The following DNAJC15 variants were observed in gnomAD, a reference collection of about 807,000 sequenced individuals.
DNAJC15 encodes DnaJ heat shock protein family (Hsp40) member C15, also known as dnaJ homolog subfamily C member 15.
A neutral mutation model predicts 22.4 loss-of-function variants in DNAJC15; 27 were observed. The observed-to-expected ratio is 1.20, with a 90% CI of 0.89 to 1.66. The LOEUF (loss-of-function observed/expected upper bound fraction) is 1.66. DNAJC15 is among the 40% of genes most tolerant of loss of function. The pLI is 0.00. For synonymous variants in DNAJC15, 79 were observed against 63.2 expected, an observed-to-expected ratio of 1.25 and a Z score of -1.19; for missense variants, 208 against 187.1, an observed-to-expected ratio of 1.11 and a Z score of -0.65.
intron 1 of DNAJC15, among the ~76,000 whole-genome samples, chr13:43,043,995 G>A (rs551014972): frequency 3.6e-4 from 54 of 152,106 alleles, no homozygotes; most frequent in African/African-American, 1.2e-3. Context: ...ATAAATTCTC[G>A]TTATTGTCAT....
intron 5 of DNAJC15, among the ~76,000 whole-genome samples, chr13:43,096,975 G>A (rs1379324450): frequency 6.6e-6 from 1 of 152,198 alleles, no homozygotes; most frequent in African/African-American, 2.4e-5. Context: ...GGACTACCCA[G>A]CTCAGAATAA....
intron 4 of DNAJC15, among the ~76,000 whole-genome samples, chr13:43,082,020 T>C (rs1251364125): frequency 6.6e-6 from 1 of 152,050 alleles, no homozygotes; most frequent in Admixed American, 6.5e-5. Flanking sequence ...TTAGTCACTA[T>C]CATGAGAACA....
At chr13:43,070,130 A>G (rs144812038) in intron 3 of DNAJC15, among the ~76,000 whole-genome samples, 1 of 152,270 alleles carries the variant, frequency 6.6e-6, no homozygotes, top group African/African-American at 2.4e-5. Context: ...TTCTTTTAGC[A>G]AAGACATTAC....
intron 5 of DNAJC15, among the ~76,000 whole-genome samples, chr13:43,106,672 A>G (rs145549912): frequency 6.6e-4 from 100 of 152,172 alleles, no homozygotes; most frequent in African/African-American, 2.3e-3. Flanking sequence ...GGTAGTATAT[A>G]GTTGCCTTTT....
intron 4 of DNAJC15, among the ~76,000 whole-genome samples, chr13:43,083,260 T>TG (rs2040672073): frequency 1.3e-5 from 2 of 151,994 alleles, no homozygotes; most frequent in Non-Finnish European, 1.5e-5. Context: ...CTCCGCCTCC[T>TG]GGGTTCATGC....
chr13:43,032,839 GAAGT>G (rs1017477766), intron 1 of DNAJC15, among the ~76,000 whole-genome samples: 6 of 151,800 alleles, frequency 4.0e-5, no homozygotes, highest in African/African-American at 1.2e-4. Flanking sequence ...ACAACAAAAA[GAAGT>G]AAGTACTGTT....
intron 5 of DNAJC15, among the ~76,000 whole-genome samples, chr13:43,099,360 A>G (rs923967875): frequency 6.6e-5 from 10 of 152,166 alleles, no homozygotes; most frequent in Admixed American, 4.6e-4. Context: ...TTGCTTTCCA[A>G]TCTGGATGTC....
rs574748547 is a variant in DNAJC15 at position 43,028,070 on chromosome 13, G to A, written c.108+4336G>A. ...ATGTATTTCTAGCATTTATAATGGT[G>A]CCTGATGTGTGGTAAACATTCCAAA... is the stretch of plus-strand genomic sequence containing the variant. On this transcript the variant is annotated intron_variant, in intron 1 of 5. Transcript: ENST00000379221. 2.0e-3 allele frequency among the ~76,000 whole-genome samples: 304 copies of A among 152,268 alleles called. 1 individual carries two copies. Among genetic ancestry groups the A allele is most frequent in the Non-Finnish European group, 3.3e-3 (226 of 68,032 alleles).
At chr13:43,086,731 G>A (rs879052) in intron 5 of DNAJC15, among the ~76,000 whole-genome samples, 81,213 of 152,032 alleles carry the variant, frequency 0.53, 21,797 homozygotes, top group South Asian at 0.64. Context: ...TTTTGCTAAA[G>A]ATTTCTAAAC....
rs963581337 is a variant in DNAJC15 at position 43,048,348 on chromosome 13, C to G, written c.109-17338C>G. Reference sequence around the variant, plus strand: ...TACAAAAAAAAAAAAAAAAATTACCCGGGTATGGTGGCTCATGCCTGTAAT... The same window carrying G: ...TACAAAAAAAAAAAAAAAAATTACCGGGGTATGGTGGCTCATGCCTGTAAT... On this transcript the variant is annotated intron_variant, in intron 1 of 5. Transcript: ENST00000379221. Among the ~76,000 whole-genome samples, 58 of 143,422 alleles carry G rather than the reference C, an allele frequency of 4.0e-4. 1 individual carries two copies. Among genetic ancestry groups the G allele is most frequent in the African/African-American group, 1.4e-3 (57 of 40,256 alleles). The allele number at this position is 143,422 out of a possible 152,430, so 94.1% of individuals were successfully genotyped here. A position where few individuals can be genotyped will look rare whatever the true frequency, so the allele number is the denominator to read the frequency against.
At chr13:43,044,228 C>T (rs766085105) in intron 1 of DNAJC15, among the ~76,000 whole-genome samples, 15 of 152,150 alleles carry the variant, frequency 9.9e-5, no homozygotes, top group Non-Finnish European at 1.6e-4. Flanking sequence ...CTGAGTTCAG[C>T]AGAAAGTGAT....
At chr13:43,034,612 G>C (rs2040421226) in intron 1 of DNAJC15, among the ~76,000 whole-genome samples, 1 of 103,506 alleles carries the variant, frequency 9.7e-6, no homozygotes, top group South Asian at 3.8e-4. Context: ...ACCGCACCCA[G>C]CCGAGATTGT....
chr13:43,030,574 G>A (rs901036754), intron 1 of DNAJC15, among the ~76,000 whole-genome samples: 3 of 152,134 alleles, frequency 2.0e-5, no homozygotes, highest in African/African-American at 7.2e-5. Flanking sequence ...TCATATTTTT[G>A]TTCATTTATT....
chr13:43,078,892 A>G, intron 4 of DNAJC15: 1 of 384,410 alleles, frequency 2.6e-6, no homozygotes, highest in Non-Finnish European at 4.7e-6. Context: ...ACAAAAAAAC[A>G]GGCAAAGTTG....
At chr13:43,091,158 C>T (rs965896706) in intron 5 of DNAJC15, among the ~76,000 whole-genome samples, 1 of 152,096 alleles carries the variant, frequency 6.6e-6, no homozygotes, top group African/African-American at 2.4e-5. Flanking sequence ...GATCTCTGCT[C>T]ACTGCAACCT....
At chr13:43,068,652 A>C (rs1043454172) in intron 2 of DNAJC15, among the ~76,000 whole-genome samples, 1 of 151,996 alleles carries the variant, frequency 6.6e-6, no homozygotes, top group African/African-American at 2.4e-5. Context: ...CATAATATAA[A>C]TGTAAGATAT....
At chr13:43,103,291 C>T (rs2040780233) in intron 5 of DNAJC15, among the ~76,000 whole-genome samples, 1 of 152,060 alleles carries the variant, frequency 6.6e-6, no homozygotes. Context: ...TTCTCTCAAT[C>T]TCTGGTGAAC....
intron 3 of DNAJC15, among the ~76,000 whole-genome samples, chr13:43,070,981 AG>A (rs1341368769): frequency 1.3e-5 from 2 of 152,210 alleles, no homozygotes; most frequent in African/African-American, 4.8e-5. Context: ...ACAGTAACAT[AG>A]TTCTTTAAAT....
intron 1 of DNAJC15, among the ~76,000 whole-genome samples, chr13:43,061,881 G>C (rs2040560862): frequency 6.6e-6 from 1 of 152,184 alleles, no homozygotes; most frequent in African/African-American, 2.4e-5. Flanking sequence ...TAGGAGATAA[G>C]CATAGAGATT....
Sources: gnomAD v4.1 joint callset for allele counts (sites outside exome capture counted in the v4.1 genomes callset) on GRCh38, gnomAD v4.1.1 for gene constraint, MANE v1.5 for transcripts, NCBI Gene and HGNC (gene_info 2026-07-23, HGNC 2026-07-21) for gene names.